The following GRIK1 variants were observed in gnomAD, a reference collection of about 807,000 sequenced individuals.
GRIK1 encodes the protein glutamate ionotropic receptor kainate type subunit 1.
A neutral mutation model predicts 105.7 loss-of-function variants in GRIK1; 69 were observed. The ratio of observed to expected loss-of-function variants is 0.65; its 90% CI spans 0.54 to 0.80. The LOEUF is 0.80. Ranked by LOEUF, GRIK1 falls within the 30% of genes least tolerant of loss-of-function variation. The pLI, the probability that GRIK1 is intolerant of heterozygous loss-of-function variation, is 0.00. For missense variants in GRIK1, 1,109 were observed against 1,167.3 expected (o/e 0.95, Z 0.73); for synonymous variants, 438 against 431.3 (o/e 1.02, Z -0.19).
chr21:29,931,453 C>T (rs893123843), intron 1 of GRIK1, among the ~76,000 whole-genome samples: 1 of 152,144 alleles, frequency 6.6e-6, no homozygotes, highest in Non-Finnish European at 1.5e-5. Flanking sequence ...CTTTGCATCA[C>T]CTGTTATCAA....
chr21:29,611,766 AT>A (rs1215724692), intron 7 of GRIK1, among the ~76,000 whole-genome samples: 1 of 152,206 alleles, frequency 6.6e-6, no homozygotes, highest in Non-Finnish European at 1.5e-5. Flanking sequence ...TTATTTCTCC[AT>A]TTTACATCCT....
At chr21:29,572,150 C>T (rs1420013644) in intron 14 of GRIK1, among the ~76,000 whole-genome samples, 1 of 152,126 alleles carries the variant, frequency 6.6e-6, no homozygotes, top group African/African-American at 2.4e-5. Context: ...GGCGGAACTA[C>T]CCCGAGAGCA....
intron 9 of GRIK1, among the ~76,000 whole-genome samples, chr21:29,594,015 T>C (rs2061367549): frequency 6.6e-6 from 1 of 152,196 alleles, no homozygotes; most frequent in South Asian, 2.1e-4. Flanking sequence ...GACCATTTTT[T>C]CCCCTATTGT....
rs543708403 is a variant in GRIK1, at chr21:29,848,139, C to T, written c.118+91244G>A. 5.9e-5 allele frequency among the ~76,000 whole-genome samples: 9 copies of T among 152,268 alleles called. No individual in the cohort carries two copies. In the South Asian group the frequency reaches 1.7e-3, roughly 28 times the overall value. On this transcript the variant is annotated intron_variant, in intron 1 of 17. Coordinates refer to ENST00000327783, the MANE Select transcript of GRIK1 (RefSeq NM_001330994.2). ...TAATCAGACTTTGCCTTGGCAACGA[C>T]TTTATCTGTACGCTGCTTCTAGTTG... is the stretch of plus-strand genomic sequence containing the variant.
intron 9 of GRIK1, among the ~76,000 whole-genome samples, chr21:29,595,207 T>C (rs1247809086): frequency 6.6e-6 from 1 of 152,134 alleles, no homozygotes; most frequent in East Asian, 1.9e-4. Flanking sequence ...GTGTGGCTCT[T>C]GCAGTTTAGT....
chr21:29,829,593 C>A (rs189577991), intron 1 of GRIK1, among the ~76,000 whole-genome samples: 1 of 152,144 alleles, frequency 6.6e-6, no homozygotes, highest in African/African-American at 2.4e-5. Flanking sequence ...AGTATCATTT[C>A]CCTCATTCTA....
intron 1 of GRIK1, among the ~76,000 whole-genome samples, chr21:29,844,932 G>C (rs1008955835): frequency 6.6e-6 from 1 of 152,140 alleles, no homozygotes; most frequent in Non-Finnish European, 1.5e-5. Context: ...GGGAATTCAG[G>C]AGAGTATAAC....
chr21:29,652,338 GA>G (rs1269413792), intron 5 of GRIK1, among the ~76,000 whole-genome samples: 3 of 151,656 alleles, frequency 2.0e-5, no homozygotes, highest in East Asian at 1.9e-4. Flanking sequence ...ACTCCTGGCC[GA>G]AAAAAAATCA....
At chr21:29,867,948 AAGAG>A (rs1241373256) in intron 1 of GRIK1, among the ~76,000 whole-genome samples, 1 of 147,038 alleles carries the variant, frequency 6.8e-6, no homozygotes, top group Non-Finnish European at 1.5e-5. Flanking sequence ...GAGAGAGAGA[AAGAG>A]AGAGAAAATG....
intron 3 of GRIK1, among the ~76,000 whole-genome samples, chr21:29,674,071 T>G (rs556590403): frequency 2.8e-4 from 43 of 151,930 alleles, no homozygotes; most frequent in South Asian, 1.0e-3. Context: ...AGTTTTTTTT[T>G]TTGTTGTTTT....
At chr21:29,927,230 C>A (rs1555911582) in intron 1 of GRIK1, among the ~76,000 whole-genome samples, 1 of 151,496 alleles carries the variant, frequency 6.6e-6, no homozygotes, top group Non-Finnish European at 1.5e-5. Flanking sequence ...AAATTGGAAT[C>A]TTATTATATA....
At chr21:29,588,532 G>A (rs1475803932) in intron 11 of GRIK1, among the ~76,000 whole-genome samples, 2 of 152,132 alleles carry the variant, frequency 1.3e-5, no homozygotes, top group African/African-American at 4.8e-5. Context: ...ATGATTGTAA[G>A]TTTCCTGAGG....
At chr21:29,882,248 C>T (rs1305188994) in intron 1 of GRIK1, among the ~76,000 whole-genome samples, 2 of 152,106 alleles carry the variant, frequency 1.3e-5, no homozygotes, top group Admixed American at 1.3e-4. Context: ...TCCATTAATT[C>T]CATGGTTCCC....
chr21:29,686,266 T>C (rs1419474062), intron 3 of GRIK1, among the ~76,000 whole-genome samples: 1 of 152,232 alleles, frequency 6.6e-6, no homozygotes, highest in African/African-American at 2.4e-5. Context: ...GTGATTGTTA[T>C]GATGGGTGAG....
chr21:29,763,659 T>A (rs1345470845), intron 1 of GRIK1: 1 of 152,190 alleles, frequency 6.6e-6, no homozygotes, highest in African/African-American at 2.4e-5. Context: ...AGAGTGGTCT[T>A]CAGGTGATCG....
chr21:29,697,135 A>G (rs2063719338), intron 1 of GRIK1, among the ~76,000 whole-genome samples: 1 of 152,090 alleles, frequency 6.6e-6, no homozygotes, highest in Non-Finnish European at 1.5e-5. Flanking sequence ...TCATCAAGTT[A>G]TTTCTGTTGT....
chr21:29,659,818 C>G (rs1206604750), intron 4 of GRIK1, among the ~76,000 whole-genome samples: 1 of 151,920 alleles, frequency 6.6e-6, no homozygotes, highest in Non-Finnish European at 1.5e-5. Flanking sequence ...AAAAATTAGT[C>G]GGCAGTGGTG....
At chr21:29,617,768 C>T (rs540556070) in intron 7 of GRIK1, among the ~76,000 whole-genome samples, 15 of 152,282 alleles carry the variant, frequency 9.9e-5, no homozygotes, top group African/African-American at 3.6e-4. Context: ...CAAATATTTT[C>T]CTCTGCATCC....
chr21:29,804,207 C>T (rs896816354), intron 1 of GRIK1, among the ~76,000 whole-genome samples: 6 of 152,026 alleles, frequency 3.9e-5, no homozygotes, highest in Non-Finnish European at 8.8e-5. Context: ...CTCGCTCATA[C>T]GTAATCAAAG....
Sources: gnomAD v4.1 joint callset for allele counts (sites outside exome capture counted in the v4.1 genomes callset) on GRCh38, gnomAD v4.1.1 for gene constraint, MANE v1.5 for transcripts, NCBI Gene and HGNC (gene_info 2026-07-23, HGNC 2026-07-21) for gene names.